Variants in KAZN observed in about 807,000 individuals in gnomAD.
KAZN encodes kazrin.
In KAZN, 40 loss-of-function variants were observed where a neutral mutation model predicts 87.4. The ratio of observed to expected loss-of-function variants is 0.46; its 90% confidence interval spans 0.36 to 0.60. The LOEUF (loss-of-function observed/expected upper bound fraction) is 0.60, where lower values mean the gene tolerates loss of function less well. KAZN is among the 20% of genes least tolerant of loss of function. The pLI is 0.00. For synonymous variants in KAZN, 466 were observed against 458.3 expected, an observed-to-expected ratio of 1.02 and a Z score of -0.22; for missense variants, 898 against 1,073.9, an observed-to-expected ratio of 0.84 and a Z score of 2.29.
Position 14,619,200 on chromosome 1 carries a change from TG to T in KAZN, c.226+19979del, listed in dbSNP as rs1345108664. 3.5e-5 allele frequency among the ~76,000 whole-genome samples: 5 copies of T among 144,224 alleles called. No individual in the cohort carries two copies. The South Asian group carries it at 6.8e-4, about 20-fold the overall frequency. 94.6% of individuals were successfully genotyped at this position (144,224 alleles called of 152,430 possible). A position where few individuals can be genotyped will look rare whatever the true frequency, so the allele number is the denominator to read the frequency against. On this transcript the variant is annotated intron_variant, in intron 1 of 14. Coordinates refer to ENST00000376030, the MANE Select transcript of KAZN (RefSeq NM_201628.3). ...AATGAAAAAGGAATTTAATCATTCTTGGTTTTTTTTTTTTTAAGACAAAATT... is the reference window on the plus strand; with the variant it reads ...AATGAAAAAGGAATTTAATCATTCTTGTTTTTTTTTTTTTAAGACAAAATT...
At chr1:14,888,116 G>A (rs931343390) in intron 1 of KAZN, among the ~76,000 whole-genome samples, 2 of 152,082 alleles carry the variant, frequency 1.3e-5, no homozygotes, top group South Asian at 2.1e-4. Flanking sequence ...TCAAGCAATC[G>A]GGACATTCCT....
chr1:14,075,541 G>T (rs1023183775), intron 1 of KAZN, among the ~76,000 whole-genome samples: 1 of 151,978 alleles, frequency 6.6e-6, no homozygotes, highest in Admixed American at 6.6e-5. Context: ...ACAGAAAGGG[G>T]GCAGAAGACA....
chr1:14,998,934 G>A (rs1490033447), intron 2 of KAZN, among the ~76,000 whole-genome samples: 8 of 152,220 alleles, frequency 5.3e-5, no homozygotes, highest in African/African-American at 1.4e-4. Context: ...GACACAGGCT[G>A]TCAGGCTCAA....
intron 2 of KAZN, among the ~76,000 whole-genome samples, chr1:14,533,522 G>T (rs1416055598): frequency 6.6e-6 from 1 of 152,132 alleles, no homozygotes; most frequent in African/African-American, 2.4e-5. Context: ...CTGCCTCAAG[G>T]TTCCCAGTAT....
intron 2 of KAZN, among the ~76,000 whole-genome samples, chr1:14,289,439 C>T (rs1440965233): frequency 6.6e-6 from 1 of 151,680 alleles, no homozygotes; most frequent in East Asian, 1.9e-4. Context: ...TATGTAATGG[C>T]CTTCTTTGTC....
Position 14,840,924 on chromosome 1 carries a change from T to A in KAZN, c.227-119760T>A, listed in dbSNP as rs141895332. On this transcript the variant is annotated intron_variant, in intron 1 of 14. Coordinates refer to ENST00000376030, the MANE Select transcript of KAZN (RefSeq NM_201628.3). The stretch of plus-strand genomic sequence containing the variant: ...GCCATAATCACTTTCATATAGATAG[T>A]TGATGATGAAGAAAGAGAGAGAGAT... 2.6e-3 allele frequency among the ~76,000 whole-genome samples: 399 copies of A among 152,192 alleles called. 2 individuals are homozygous for A. Among genetic ancestry groups the A allele is most frequent in the African/African-American group, 9.0e-3 (374 of 41,512 alleles).
At chr1:14,786,457 C>T (rs1290524341) in intron 1 of KAZN, among the ~76,000 whole-genome samples, 1 of 152,214 alleles carries the variant, frequency 6.6e-6, no homozygotes, top group African/African-American at 2.4e-5. Context: ...ATCGTACGTC[C>T]TTTGTGAGCA....
intron 1 of KAZN, among the ~76,000 whole-genome samples, chr1:14,832,662 A>T (rs1031578821): frequency 1.3e-5 from 2 of 152,250 alleles, no homozygotes; most frequent in African/African-American, 4.8e-5. Flanking sequence ...ACAAATTCGT[A>T]TCGGGCTGCA....
intron 1 of KAZN, among the ~76,000 whole-genome samples, chr1:14,013,170 A>G (rs1288236625): frequency 2.0e-5 from 3 of 151,772 alleles, no homozygotes; most frequent in African/African-American, 7.3e-5. Flanking sequence ...TGGTTTTCAG[A>G]CTCCTCATTA....
At chr1:14,266,697 G>A (rs571076431) in intron 2 of KAZN, among the ~76,000 whole-genome samples, 6 of 152,206 alleles carry the variant, frequency 3.9e-5, no homozygotes, top group East Asian at 1.9e-4. Flanking sequence ...CGATTCCATC[G>A]CAAGGGACAC....
chr1:14,908,072 G>GT (rs1656813060), intron 1 of KAZN, among the ~76,000 whole-genome samples: 1 of 152,224 alleles, frequency 6.6e-6, no homozygotes, highest in African/African-American at 2.4e-5. Flanking sequence ...CCAAGAGGCG[G>GT]TTCTAGAGAG....
intron 2 of KAZN, among the ~76,000 whole-genome samples, chr1:14,341,100 C>T (rs975210356): frequency 3.3e-5 from 5 of 151,916 alleles, no homozygotes; most frequent in African/African-American, 1.2e-4. Context: ...ACCATGTTGG[C>T]CAGGCTGGTC....
At chr1:15,028,395 CA>C (rs1671379392) in intron 2 of KAZN, among the ~76,000 whole-genome samples, 1 of 152,202 alleles carries the variant, frequency 6.6e-6, no homozygotes, top group Non-Finnish European at 1.5e-5. Context: ...GGAGCTGAGT[CA>C]GGAGGCCAGT....
chr1:14,950,345 G>A (rs1008321278), intron 1 of KAZN, among the ~76,000 whole-genome samples: 1 of 152,070 alleles, frequency 6.6e-6, no homozygotes, highest in Non-Finnish European at 1.5e-5. Flanking sequence ...GGGTCCGTTT[G>A]GCAAATGGGG....
chr1:13,992,930 G>T (rs1639351054), intron 1 of KAZN, among the ~76,000 whole-genome samples: 1 of 152,134 alleles, frequency 6.6e-6, no homozygotes, highest in African/African-American at 2.4e-5. Context: ...GTTTGGATCT[G>T]GAAATTCCAC....
At chr1:14,691,784 G>A (rs1021360656) in intron 1 of KAZN, among the ~76,000 whole-genome samples, 5 of 152,140 alleles carry the variant, frequency 3.3e-5, no homozygotes, top group Middle Eastern at 3.4e-3. Context: ...AAACAACCTC[G>A]CCTGGCCTGT....
chr1:14,673,606 G>C (rs1485991822), intron 1 of KAZN, among the ~76,000 whole-genome samples: 2 of 152,172 alleles, frequency 1.3e-5, no homozygotes, highest in African/African-American at 4.8e-5. Flanking sequence ...CGTGTTGTTG[G>C]ATCCATCAGC....
intron 1 of KAZN, among the ~76,000 whole-genome samples, chr1:14,789,867 A>G (rs1645622757): frequency 6.6e-6 from 1 of 151,526 alleles, no homozygotes. Context: ...TGCTCTGGCT[A>G]CAAATTGCTC....
chr1:14,460,302 G>T (rs1271273828), intron 2 of KAZN, among the ~76,000 whole-genome samples: 1 of 152,214 alleles, frequency 6.6e-6, no homozygotes, highest in African/African-American at 2.4e-5. Flanking sequence ...CTGCCCCCAA[G>T]GCACTGGGCA....
Sources: gnomAD v4.1 joint callset for allele counts (sites outside exome capture counted in the v4.1 genomes callset) on GRCh38, gnomAD v4.1.1 for gene constraint, MANE v1.5 for transcripts, NCBI Gene and HGNC (gene_info 2026-07-23, HGNC 2026-07-21) for gene names.